Variants in GABRB2 observed in about 807,000 individuals in gnomAD.
GABRB2 encodes the protein gamma-aminobutyric acid type A receptor subunit beta2.
Under a neutral mutation model 54.7 loss-of-function variants are expected in GABRB2, and 16 were observed. The ratio of observed to expected loss-of-function variants is 0.29; its 90% CI spans 0.20 to 0.44. The LOEUF (loss-of-function observed/expected upper bound fraction) is 0.44. Among genes scored for constraint, GABRB2 ranks in the 20% least tolerant of loss-of-function variants. GABRB2 has a pLI of 1.00. For synonymous variants in GABRB2, 244 were observed against 233.8 expected, an observed-to-expected ratio of 1.04 and a Z score of -0.40; for missense variants, 355 against 644.0, an observed-to-expected ratio of 0.55 and a Z score of 4.86.
rs1242526161 is a variant in GABRB2, at chr5:161,291,196, A to G, written c.*2885T>C. 1 of 152,522 alleles carries G rather than the reference A, an allele frequency of 6.6e-6. No homozygotes were observed. The highest frequency in any genetic ancestry group is 2.4e-5 in the African/African-American group (1 of 41,430). The allele number at this position is 152,522 out of a possible 1,614,324, so 9.4% of individuals were successfully genotyped here. A position where few individuals can be genotyped will look rare whatever the true frequency, so the allele number is the denominator to read the frequency against. The stretch of plus-strand genomic sequence containing the variant: ...GTAGACTGTGCATTTTAGAGTCAGA[A>G]TTTGTCCATGAATTTCACAAAGATG... On this transcript the variant is annotated 3_prime_UTR_variant, in exon 10 of 10. Transcript: ENST00000393959.
intron 4 of GABRB2, among the ~76,000 whole-genome samples, chr5:161,419,217 A>G (rs1015859375): frequency 1.3e-5 from 2 of 152,252 alleles, no homozygotes; most frequent in South Asian, 2.1e-4. Context: ...AATGTTCAAC[A>G]TCACTAATCA....
At chr5:161,521,756 T>C (rs1333490221) in intron 3 of GABRB2, among the ~76,000 whole-genome samples, 1 of 151,908 alleles carries the variant, frequency 6.6e-6, no homozygotes, top group Non-Finnish European at 1.5e-5. Context: ...TAATGCATGG[T>C]AAAAGACCAT....
chr5:161,297,897 T>C (rs252961), intron 9 of GABRB2, among the ~76,000 whole-genome samples: 63,619 of 151,974 alleles, frequency 0.42, 16,036 homozygotes, highest in African/African-American at 0.7. Flanking sequence ...ACACTCCCAC[T>C]AACAGTGTAA....
At chr5:161,494,239 G>T (rs1385246899) in intron 3 of GABRB2, among the ~76,000 whole-genome samples, 1 of 151,730 alleles carries the variant, frequency 6.6e-6, no homozygotes, top group Non-Finnish European at 1.5e-5. Flanking sequence ...GATTATTAGA[G>T]CTTGTAATCT....
intron 4 of GABRB2, among the ~76,000 whole-genome samples, chr5:161,426,568 G>A (rs555165303): frequency 6.6e-6 from 1 of 151,998 alleles, no homozygotes; most frequent in East Asian, 1.9e-4. Flanking sequence ...AACACAAGAT[G>A]AAATGAAGAA....
rs76764748 is a variant in GABRB2, at chr5:161,507,170, T to G, written c.237+38057A>C. Among the ~76,000 whole-genome samples, 735 of 152,036 alleles carry G rather than the reference T, an allele frequency of 4.8e-3. 9 individuals carry two copies. The highest frequency in any genetic ancestry group is 0.017 in the African/African-American group (693 of 41,500). On this transcript the variant is annotated intron_variant, in intron 3 of 9. Transcript: ENST00000393959. ...GGAAACCTGAGAAACTGTCATACAA[T>G]GGGAGGGAAATGGGAGTCATGACAA...
intron 3 of GABRB2, among the ~76,000 whole-genome samples, chr5:161,537,549 T>C (rs139480071): frequency 2.0e-5 from 3 of 152,338 alleles, no homozygotes; most frequent in Non-Finnish European, 2.9e-5. Context: ...GTCACTTTCA[T>C]CTTATAAACA....
intron 3 of GABRB2, among the ~76,000 whole-genome samples, chr5:161,496,087 G>A (rs932929994): frequency 6.6e-6 from 1 of 152,084 alleles, no homozygotes; most frequent in African/African-American, 2.4e-5. Context: ...TTAAGCCACT[G>A]GGAACGGGCC....
chr5:161,359,815 G>A (rs1397136214), intron 5 of GABRB2, among the ~76,000 whole-genome samples: 2 of 152,144 alleles, frequency 1.3e-5, no homozygotes, highest in African/African-American at 4.8e-5. Flanking sequence ...GGGTGCGGTG[G>A]CTCATGCTTG....
chr5:161,545,923 A>G (rs759836746), intron 2 of GABRB2, among the ~76,000 whole-genome samples: 11 of 152,200 alleles, frequency 7.2e-5, no homozygotes, highest in Non-Finnish European at 2.9e-5. Context: ...ACAGGGGGTT[A>G]ACGCCACCTC....
chr5:161,377,721 C>T (rs17059387), intron 5 of GABRB2, among the ~76,000 whole-genome samples: 9,361 of 152,040 alleles, frequency 0.062, 726 homozygotes, highest in East Asian at 0.17. Flanking sequence ...TTTTCACCAA[C>T]TTATGTGTGG....
chr5:161,448,172 C>T (rs540373254), intron 4 of GABRB2, among the ~76,000 whole-genome samples: 1 of 152,192 alleles, frequency 6.6e-6, no homozygotes, highest in Admixed American at 6.5e-5. Context: ...CCTGTAATCC[C>T]AGCACTTTGG....
At chr5:161,393,333 A>G (rs1180697609) in intron 5 of GABRB2, among the ~76,000 whole-genome samples, 1 of 69,330 alleles carries the variant, frequency 1.4e-5, no homozygotes, top group Non-Finnish European at 2.8e-5. Flanking sequence ...AAAAAAAAAA[A>G]AAAAAAAAAA....
At chr5:161,417,182 T>C (rs570875626) in intron 4 of GABRB2, among the ~76,000 whole-genome samples, 1 of 152,342 alleles carries the variant, frequency 6.6e-6, no homozygotes, top group East Asian at 1.9e-4. Flanking sequence ...TATATTTCCC[T>C]TATAATATGC....
chr5:161,374,635 A>G (rs1165949935), intron 5 of GABRB2, among the ~76,000 whole-genome samples: 1 of 152,212 alleles, frequency 6.6e-6, no homozygotes, highest in Non-Finnish European at 1.5e-5. Context: ...CTGTTTACTC[A>G]ATAAACACAT....
chr5:161,299,290 G>A (rs1757469054), intron 9 of GABRB2, among the ~76,000 whole-genome samples: 1 of 152,134 alleles, frequency 6.6e-6, no homozygotes, highest in Non-Finnish European at 1.5e-5. Flanking sequence ...TGTGGGTGTA[G>A]GCCAATCAGA....
chr5:161,394,032 A>G (rs1425725734), intron 5 of GABRB2, among the ~76,000 whole-genome samples: 1 of 152,066 alleles, frequency 6.6e-6, no homozygotes, highest in Non-Finnish European at 1.5e-5. Context: ...ACAAACTACA[A>G]AAGTATTGAG....
chr5:161,370,862 C>T (rs180793655), intron 5 of GABRB2, among the ~76,000 whole-genome samples: 8 of 152,246 alleles, frequency 5.3e-5, no homozygotes, highest in Non-Finnish European at 1.0e-4. Flanking sequence ...AAAGAGCCAT[C>T]CATGTGAACA....
At chr5:161,310,691 A>G in intron 9 of GABRB2, among the ~76,000 whole-genome samples, 1 of 152,110 alleles carries the variant, frequency 6.6e-6, no homozygotes, top group Non-Finnish European at 1.5e-5. Context: ...ACACACACAC[A>G]CACACACAGA....
Sources: gnomAD v4.1 joint callset for allele counts (sites outside exome capture counted in the v4.1 genomes callset) on GRCh38, gnomAD v4.1.1 for gene constraint, MANE v1.5 for transcripts, NCBI Gene and HGNC (gene_info 2026-07-23, HGNC 2026-07-21) for gene names.